B3GNT4: variants seen among roughly 807,000 people sequenced by gnomAD.
B3GNT4 encodes the protein UDP-GlcNAc:betaGal beta-1,3-N-acetylglucosaminyltransferase 4.
In B3GNT4, 2 loss-of-function variants were observed where a neutral mutation model predicts 2.7. The ratio of observed to expected loss-of-function variants is 0.73; its 90% CI spans 0.30 to 2.31. The LOEUF is 2.31. B3GNT4 is among the 30% of genes most tolerant of loss of function. B3GNT4 has a pLI of 0.12. For synonymous variants in B3GNT4, 280 were observed against 203.4 expected (o/e 1.38, Z -3.20); for missense variants, 708 against 490.9 (o/e 1.44, Z -4.18).
Position 122,207,619 on chromosome 12 carries a change from G to C in B3GNT4, c.*231G>C, listed in dbSNP as rs943138248. 1 of 629,114 alleles carries C rather than the reference G, an allele frequency of 1.6e-6. No individual in the cohort carries two copies. Among genetic ancestry groups the C allele is most frequent in the African/African-American group, 1.8e-5 (1 of 54,608 alleles). 39.0% of individuals were successfully genotyped at this position (629,114 alleles called of 1,614,324 possible). ...AACCTGTCGGGGCATTCCGGGCGCT[G>C]CCTGGGGCGCTGCAGTCTGGGACCT... On this transcript the variant is annotated 3_prime_UTR_variant, in exon 3 of 3. Transcript: ENST00000324189.
chr12:122,206,226 A>C, intron 2 of B3GNT4, 92 bp from the exon 3 acceptor site: 1 of 1,024,632 alleles, frequency 9.8e-7, no homozygotes, highest in Non-Finnish European at 1.4e-6. Context: ...GCCAGCAGGG[A>C]CTTAGCGGCT....
chr12:122,205,200 C>T (rs1470971104), intron 2 of B3GNT4: 7 of 155,014 alleles, frequency 4.5e-5, no homozygotes, highest in Admixed American at 4.5e-4. Context: ...CCATTCCTCA[C>T]TCAGTTCTTG....
intron 2 of B3GNT4, 31 bp downstream of exon 2, chr12:122,204,715 C>G (rs199704684): frequency 3.0e-5 from 46 of 1,552,790 alleles, no homozygotes; most frequent in Middle Eastern, 3.7e-4. Flanking sequence ...CTGCCAGACC[C>G]CCTTGTCCCC....
In B3GNT4 at chr12:122,206,720, T is replaced by C. The variant is rs768079578; in HGVS notation, c.469T>C (p.Phe157Leu). ...WARGRQLKLVFLLGVAGSAPP... is the reference protein window; with the variant it reads ...WARGRQLKLVLLLGVAGSAPP... ...TAGGGGCCGGCAGCTGAAGCTGGTG[T>C]TCCTCCTAGGGGTGGCAGGATCCGC... The change falls in exon 3 of 3, where the codon TTC (phenylalanine) becomes CTC (leucine). Residue 157 changes from phenylalanine (F) to leucine (L), a missense_variant. Physicochemically the swap from Phe to Leu is conservative, Grantham distance 22. Transcript: ENST00000324189. 1.4e-5 allele frequency: 22 copies of C among 1,609,282 alleles called. No homozygotes were observed. The highest frequency in any genetic ancestry group is 1.7e-4 in the Middle Eastern group (1 of 6,060).
chr12:122,206,085 CAG>C (rs1201731090), intron 2 of B3GNT4: 1 of 451,160 alleles, frequency 2.2e-6, no homozygotes, highest in Non-Finnish European at 3.9e-6. Flanking sequence ...TTGGGAAAAA[CAG>C]ACCCAGGAGT....
chr12:122,207,661 A>G lies in B3GNT4; in HGVS notation c.*273A>G, dbSNP rs1953953786. The G allele has an allele frequency of 3.1e-6, 2 of 643,458 alleles. No homozygotes were observed. The highest frequency in any genetic ancestry group is 2.9e-6 in the Non-Finnish European group (1 of 349,618). 39.9% of individuals were successfully genotyped at this position (643,458 alleles called of 1,614,324 possible). A position where few individuals can be genotyped will look rare whatever the true frequency, so the allele number is the denominator to read the frequency against. ...CTGGGACCTCAAGGAAGGAGGCTGC[A>G]TAGGACCCCAGGAGAGACGCATTTT... On this transcript the variant is annotated 3_prime_UTR_variant, in exon 3 of 3. Transcript: ENST00000324189.
At position 122,206,880 on chromosome 12, in the gene B3GNT4, A is replaced by C. The variant is rs767399145; in HGVS notation, c.629A>C (p.Gln210Pro). Reference sequence around the variant, plus strand: ...CGCTGGGTGGTGGCTGCCTGCCCCCAGGCCCATTTCATGCTAAAGGGAGAT... The same window carrying C: ...CGCTGGGTGGTGGCTGCCTGCCCCCCGGCCCATTTCATGCTAAAGGGAGAT... ...LQRWVVAACP[Q>P]AHFMLKGDDD... The change falls in exon 3 of 3, where the codon CAG becomes CCG. Residue 210 changes from glutamine to proline, a missense_variant. By Grantham distance (76) the Gln-to-Pro change is moderately conservative (BLOSUM62 -1). Transcript: ENST00000324189. 1 of 1,613,926 alleles carries C rather than the reference A, an allele frequency of 6.2e-7. No homozygotes were observed. Among genetic ancestry groups the C allele is most frequent in the Non-Finnish European group, 8.5e-7 (1 of 1,180,006 alleles).
rs1953933959 is a variant in B3GNT4, at chr12:122,207,051, A to C, written c.800A>C (p.Tyr267Ser). Residue 267 changes from tyrosine to serine, a missense_variant, in exon 3 of 3, where the codon TAC becomes TCC. Transcript: ENST00000324189. ...AAATACTTCATCCCACCCTCAATGT[A>C]CAGGGCCACCCACTACCCACCCTAT... ...KVKYFIPPSM[Y>S]RATHYPPYAG... The C allele has an allele frequency of 1.2e-6, 2 of 1,613,868 alleles. No individual in the cohort carries two copies. Among genetic ancestry groups the C allele is most frequent in the Middle Eastern group, 1.6e-4 (1 of 6,062 alleles).
chr12:122,204,844 A>C lies in B3GNT4; in HGVS notation c.66+160A>C. 3 of 619,298 alleles carry C rather than the reference A, an allele frequency of 4.8e-6. No homozygotes were observed. The South Asian group carries it at 5.9e-5, about 12-fold the overall frequency. 38.4% of individuals were successfully genotyped at this position (619,298 alleles called of 1,614,324 possible). ...CGCTTGAGGCCAGGAGTTCCAGACC[A>C]GCCCAGGCAACAAAAGATACCACAT... On this transcript the variant is annotated intron_variant, in intron 2 of 2. Coordinates refer to ENST00000324189, the MANE Select transcript of B3GNT4 (RefSeq NM_030765.4).
In B3GNT4 at chr12:122,208,671, A is replaced by C. The variant is rs759269464; in HGVS notation, c.*1283A>C. ...CTGGGGGTGCTGTGGCTGTCATCTG[A>C]ACCCCTCTTGGGGTCACTTTCCTTG... On this transcript the variant is annotated 3_prime_UTR_variant, in exon 3 of 3. Transcript: ENST00000324189. 3.4e-5 allele frequency: 45 copies of C among 1,313,630 alleles called. No homozygotes were observed. The highest frequency in any genetic ancestry group is 4.2e-5 in the Non-Finnish European group (39 of 938,760). 81.4% of individuals were successfully genotyped at this position (1,313,630 alleles called of 1,614,324 possible). A position where few individuals can be genotyped will look rare whatever the true frequency, so the allele number is the denominator to read the frequency against.
At position 122,208,555 on chromosome 12, in the gene B3GNT4, G is replaced by C. The variant is rs149387774; in HGVS notation, c.*1167G>C. 6 of 1,613,534 alleles carry C rather than the reference G, an allele frequency of 3.7e-6. No individual in the cohort carries two copies. The highest frequency in any genetic ancestry group is 5.1e-6 in the Non-Finnish European group (6 of 1,180,032). On this transcript the variant is annotated 3_prime_UTR_variant, in exon 3 of 3. Transcript: ENST00000324189. ...TCACCAGCTGAATGTGATTCCTGGC[G>C]GTTATAGAGGCCTGATCTGCGCCTG...
At chr12:122,203,988 C>G (rs1414660980) in intron 1 of B3GNT4, among the ~76,000 whole-genome samples, 187 bp downstream of exon 1, 2 of 151,468 alleles carry the variant, frequency 1.3e-5, no homozygotes, top group Non-Finnish European at 3.0e-5. Flanking sequence ...GGCTCGGGGC[C>G]CACGGGCCGC....
Position 122,208,519 on chromosome 12 carries a change from C to G in B3GNT4, c.*1131C>G. 1 of 1,614,084 alleles carries G rather than the reference C, an allele frequency of 6.2e-7. No homozygotes were observed. The highest frequency in any genetic ancestry group is 8.5e-7 in the Non-Finnish European group (1 of 1,180,030). Reference sequence around the variant, plus strand: ...TCCGGGAGAGCTGGTGCACCTCTTCCACCTGCAGTTTCACCAGCTGAATGT... The same window carrying G: ...TCCGGGAGAGCTGGTGCACCTCTTCGACCTGCAGTTTCACCAGCTGAATGT... On this transcript the variant is annotated 3_prime_UTR_variant, in exon 3 of 3. Coordinates refer to ENST00000324189, the MANE Select transcript of B3GNT4 (RefSeq NM_030765.4).
In B3GNT4 at chr12:122,206,870, G is replaced by C. The variant is rs762387783; in HGVS notation, c.619G>C (p.Ala207Pro). 37 of 1,613,758 alleles carry C rather than the reference G, an allele frequency of 2.3e-5. No individual in the cohort carries two copies. Residue 207 changes from alanine (A) to proline (P), a missense_variant, in exon 3 of 3, where the codon GCC (alanine) becomes CCC (proline). Ala to Pro is a conservative substitution (Grantham distance 27). Coordinates refer to ENST00000324189, the MANE Select transcript of B3GNT4 (RefSeq NM_030765.4). ...GCACCTGCAGCGCTGGGTGGTGGCT[G>C]CCTGCCCCCAGGCCCATTTCATGCT... is the stretch of plus-strand genomic sequence containing the variant. ...ELHLQRWVVAACPQAHFMLKG... is the reference protein window; with the variant it reads ...ELHLQRWVVAPCPQAHFMLKG...
rs1458374652 is a variant in B3GNT4 at position 122,207,376 on chromosome 12, AC to A, written c.1129del (p.Gln377SerfsTer21). The A allele has an allele frequency of 6.4e-7, 1 of 1,558,162 alleles. No individual in the cohort carries two copies. Among genetic ancestry groups the A allele is most frequent in the African/African-American group, 1.4e-5 (1 of 73,280 alleles). Reference protein sequence around the residue: ...EGLKCAAGPIPQR With the variant: ...EGLKCAAGPIXQR ...GGCTCAAGTGTGCAGCTGGCCCCAT[AC>A]CCCAGCGCTGAAGGGTGGGTTGGGC... On this transcript the variant is annotated frameshift_variant, in exon 3 of 3. Coordinates refer to ENST00000324189, the MANE Select transcript of B3GNT4 (RefSeq NM_030765.4). LOFTEE classifies it high-confidence loss of function.
rs769328274 is a variant in B3GNT4 at position 122,206,438 on chromosome 12, C to G, written c.187C>G (p.Gln63Glu). ...GCCCGCAGGAGACCCCACGGCCCAC[C>G]AGCCTTTCTGGGCTCCCCCAACACC... Reference protein sequence around the residue: ...AKPAGDPTAHQPFWAPPTPRH... With the variant: ...AKPAGDPTAHEPFWAPPTPRH... The change falls in exon 3 of 3, where the codon CAG (glutamine) becomes GAG (glutamate). Residue 63 changes from glutamine to glutamate, a missense_variant. Coordinates refer to ENST00000324189, the MANE Select transcript of B3GNT4 (RefSeq NM_030765.4). 5.6e-6 allele frequency: 9 copies of G among 1,614,140 alleles called. No individual in the cohort carries two copies. The South Asian group carries it at 9.9e-5, about 18-fold the overall frequency.
Position 122,207,637 on chromosome 12 carries a change from T to A in B3GNT4, c.*249T>A, listed in dbSNP as rs1178845350. 3.1e-6 allele frequency: 2 copies of A among 640,502 alleles called. No homozygotes were observed. The highest frequency in any genetic ancestry group is 3.6e-5 in the African/African-American group (2 of 55,252). 39.7% of individuals were successfully genotyped at this position (640,502 alleles called of 1,614,324 possible). ...GGGCGCTGCCTGGGGCGCTGCAGTC[T>A]GGGACCTCAAGGAAGGAGGCTGCAT... On this transcript the variant is annotated 3_prime_UTR_variant, in exon 3 of 3. Transcript: ENST00000324189.
chr12:122,208,063 G>A lies in B3GNT4; in HGVS notation c.*675G>A, dbSNP rs2136078117. ...AAACAGTTGCTGAACTTAAGGGCAT[G>A]ACAAAAAGGACTCCTCTCTCTGACC... On this transcript the variant is annotated 3_prime_UTR_variant, in exon 3 of 3. Coordinates refer to ENST00000324189, the MANE Select transcript of B3GNT4 (RefSeq NM_030765.4). The A allele has an allele frequency of 1.7e-6, 1 of 579,990 alleles. No homozygotes were observed. The highest frequency in any genetic ancestry group is 4.0e-5 in the East Asian group (1 of 25,006). 35.9% of individuals were successfully genotyped at this position (579,990 alleles called of 1,614,324 possible).
In B3GNT4 at chr12:122,207,312, T is replaced by G. The variant is rs1160912075; in HGVS notation, c.1061T>G (p.Leu354Arg). The G allele has an allele frequency of 6.2e-7, 1 of 1,612,442 alleles. No individual in the cohort carries two copies. Among genetic ancestry groups the G allele is most frequent in the Non-Finnish European group, 8.5e-7 (1 of 1,179,228 alleles). ...GLLLVHRLSPLEMWTMWALVT... is the reference protein window; with the variant it reads ...GLLLVHRLSPREMWTMWALVT... ...CTGCTGGTTCACCGCCTCAGCCCCCTCGAGATGTGGACCATGTGGGCACTG... is the reference window on the plus strand; with the variant it reads ...CTGCTGGTTCACCGCCTCAGCCCCCGCGAGATGTGGACCATGTGGGCACTG... Residue 354 changes from leucine (L) to arginine (R), a missense_variant, in exon 3 of 3, where the codon CTC becomes CGC. Physicochemically the swap from Leu to Arg is moderately radical, Grantham distance 102. Coordinates refer to ENST00000324189, the MANE Select transcript of B3GNT4 (RefSeq NM_030765.4).
Sources: allele counts gnomAD v4.1 joint callset (sites outside exome capture counted in the v4.1 genomes callset), GRCh38; gene constraint gnomAD v4.1.1; transcripts MANE v1.5; gene names NCBI Gene and HGNC (gene_info 2026-07-23, HGNC 2026-07-21).